The following PIK3CG variants were observed in gnomAD, a reference collection of about 807,000 sequenced individuals.
PIK3CG encodes phosphatidylinositol 4,5-bisphosphate 3-kinase catalytic subunit gamma isoform.
A neutral mutation model predicts 102.3 loss-of-function variants in PIK3CG; 55 were observed. The ratio of observed to expected loss-of-function variants is 0.54; its 90% confidence interval spans 0.43 to 0.67. PIK3CG has a LOEUF of 0.67. PIK3CG is among the 30% of genes least tolerant of loss of function. The pLI, the probability that PIK3CG is intolerant of heterozygous loss-of-function variation, is 0.00. For synonymous variants in PIK3CG, 552 were observed against 540.0 expected (o/e 1.02, Z -0.31); for missense variants, 1,258 against 1,391.8 (o/e 0.90, Z 1.53).
At chr7:106,904,398 T>G (rs1463570212) in intron 10 of PIK3CG, among the ~76,000 whole-genome samples, 1 of 152,214 alleles carries the variant, frequency 6.6e-6, no homozygotes, top group East Asian at 1.9e-4. Context: ...GTTGTAAAAT[T>G]GAGACTCTTG....
chr7:106,902,488 A>T lies in PIK3CG; in HGVS notation c.3031-2621A>T, dbSNP rs1791585086. On this transcript the variant is annotated intron_variant, in intron 10 of 10. Coordinates refer to ENST00000496166, the MANE Select transcript of PIK3CG (RefSeq NM_001282426.2). The surrounding 1 kb of genome is among the most constrained non-coding windows in gnomAD (Gnocchi z 4.3). ...ATTACCTGCTGGTAACATTATATGT[A>T]TTCCTATCTACCATCAGCTTATAAA... Among the ~76,000 whole-genome samples the T allele has an allele frequency of 6.6e-6, 1 of 152,022 alleles. No individual in the cohort carries two copies. Among genetic ancestry groups the T allele is most frequent in the East Asian group, 1.9e-4 (1 of 5,184 alleles).
Position 106,907,452 on chromosome 7 carries a change from A to C in PIK3CG, c.*2065A>C, listed in dbSNP as rs1440789886. Among the ~76,000 whole-genome samples, 7 of 152,286 alleles carry C rather than the reference A, an allele frequency of 4.6e-5. No individual in the cohort carries two copies. In the East Asian group the frequency reaches 1.4e-3, roughly 29 times the overall value. ...TATTCCTATCTATAAATGGAGGATA[A>C]ACATTTTGTGGCACTTCTGGACCAA... On this transcript the variant is annotated 3_prime_UTR_variant, in exon 11 of 11. Transcript: ENST00000496166.
rs2116457668 is a variant in PIK3CG, at chr7:106,869,094, G to A, written c.1533G>A (p.Glu511=). Residue 511 remains glutamate, a synonymous_variant, in exon 2 of 11, where the codon GAG becomes GAA. Coordinates refer to ENST00000496166, the MANE Select transcript of PIK3CG (RefSeq NM_001282426.2). This position sits in a 1 kb window ranked among gnomAD's most constrained non-coding sequence, Gnocchi z 5.3. ...KLTSATNPDK[E]NSMSISILLD... ...CGTCTGCAACTAACCCAGACAAGGA[G>A]AACTCAATGTCCATCTCCATTCTTC... The A allele has an allele frequency of 6.2e-7, 1 of 1,614,210 alleles. No homozygotes were observed. Among genetic ancestry groups the A allele is most frequent in the Admixed American group, 1.7e-5 (1 of 60,024 alleles).
rs1278356652 is a variant in PIK3CG, at chr7:106,883,940, C to G, written c.2761-215C>G. Among the ~76,000 whole-genome samples, 1 of 152,128 alleles carries G rather than the reference C, an allele frequency of 6.6e-6. No individual in the cohort carries two copies. Among genetic ancestry groups the G allele is most frequent in the Non-Finnish European group, 1.5e-5 (1 of 68,006 alleles). ...GTTGCCCTTTGACTCTTGTTTCTTC[C>G]TCATGCCATTGTGATTCACTGAATC... On this transcript the variant is annotated intron_variant, in intron 8 of 10. Transcript: ENST00000496166. This position sits in a 1 kb window ranked among gnomAD's most constrained non-coding sequence, Gnocchi z 5.8.
chr7:106,900,443 A>G (rs760052815), intron 10 of PIK3CG, among the ~76,000 whole-genome samples: 1 of 152,118 alleles, frequency 6.6e-6, no homozygotes, highest in African/African-American at 2.4e-5. Flanking sequence ...TTTTGAGCCT[A>G]TGAGTGTCAT....
At chr7:106,865,929 T>G (rs1790264959) in intron 1 of PIK3CG, among the ~76,000 whole-genome samples, 1 of 152,244 alleles carries the variant, frequency 6.6e-6, no homozygotes, top group African/African-American at 2.4e-5. Context: ...ACAGTTCTCT[T>G]CTTTGTTAGT....
rs1015482325 is a variant in PIK3CG, at chr7:106,897,142, A to C, written c.3031-7967A>C. On this transcript the variant is annotated intron_variant, in intron 10 of 10. Transcript: ENST00000496166. This position sits in a 1 kb window ranked among gnomAD's most constrained non-coding sequence, Gnocchi z 4.6. Reference sequence around the variant, plus strand: ...TAGTAGTTCCAGGACATGCAATTTTAAGTACTTTTTGTGAATCTTTTTTTA... The same window carrying C: ...TAGTAGTTCCAGGACATGCAATTTTCAGTACTTTTTGTGAATCTTTTTTTA... Among the ~76,000 whole-genome samples, 5 of 152,204 alleles carry C rather than the reference A, an allele frequency of 3.3e-5. No individual in the cohort carries two copies. The highest frequency in any genetic ancestry group is 7.4e-5 in the Non-Finnish European group (5 of 68,026).
rs2116618123 is a variant in PIK3CG at position 106,905,210 on chromosome 7, C to G, written c.3132C>G (p.Ser1044Arg). 6.2e-7 allele frequency: 1 copy of G among 1,614,060 alleles called. No homozygotes were observed. The highest frequency in any genetic ancestry group is 8.5e-7 in the Non-Finnish European group (1 of 1,179,978). ...MLMTGMPQLTSKEDIEYIRDA... is the reference protein window; with the variant it reads ...MLMTGMPQLTRKEDIEYIRDA... ...TGACAGGAATGCCCCAGTTAACAAG[C>G]AAAGAAGACATTGAATATATCCGGG... The change falls in exon 11 of 11, where the codon AGC becomes AGG. Residue 1044 changes from serine to arginine, a missense_variant. Physicochemically the swap from Ser to Arg is moderately radical, Grantham distance 110. Around this residue, in one of 2 missense-constraint regions of PIK3CG, gnomAD observed 426 missense variants for 604.2 expected, o/e 0.71. Transcript: ENST00000496166. This position sits in a 1 kb window ranked among gnomAD's most constrained non-coding sequence, Gnocchi z 5.6.
Position 106,883,508 on chromosome 7 carries a change from C to G in PIK3CG, c.2760+345C>G, listed in dbSNP as rs1422269500. Among the ~76,000 whole-genome samples the G allele has an allele frequency of 1.3e-5, 2 of 152,188 alleles. No homozygotes were observed. Among genetic ancestry groups the G allele is most frequent in the Non-Finnish European group, 2.9e-5 (2 of 68,028 alleles). On this transcript the variant is annotated intron_variant, in intron 8 of 10. Coordinates refer to ENST00000496166, the MANE Select transcript of PIK3CG (RefSeq NM_001282426.2). This position sits in a 1 kb window ranked among gnomAD's most constrained non-coding sequence, Gnocchi z 5.8. ...GATATTTAGTTACCATGTATAAACT[C>G]TTACGTACCTGGGAAATACAACATA...
chr7:106,874,902 G>C lies in PIK3CG; in HGVS notation c.2391+99G>C, dbSNP rs1484576431. Reference sequence around the variant, plus strand: ...ACTTAAAAGCTAATGTTTATGCAGAGACAGGGAAGCTGGAGAGTCTCTGGA... The same window carrying C: ...ACTTAAAAGCTAATGTTTATGCAGACACAGGGAAGCTGGAGAGTCTCTGGA... On this transcript the variant is annotated intron_variant, in intron 5 of 10. Transcript: ENST00000496166. The surrounding 1 kb of genome is among the most constrained non-coding windows in gnomAD (Gnocchi z 4.3). 2 of 724,322 alleles carry C rather than the reference G, an allele frequency of 2.8e-6. No individual in the cohort carries two copies. Among genetic ancestry groups the C allele is most frequent in the Admixed American group, 5.2e-5 (2 of 38,186 alleles). 44.9% of individuals were successfully genotyped at this position (724,322 alleles called of 1,614,324 possible).
Position 106,905,324 on chromosome 7 carries a change from G to A in PIK3CG, c.3246G>A (p.Val1082=), listed in dbSNP as rs2116619458. 5.0e-6 allele frequency: 8 copies of A among 1,614,074 alleles called. No homozygotes were observed. The highest frequency in any genetic ancestry group is 6.8e-6 in the Non-Finnish European group (8 of 1,179,944). The change falls in exon 11 of 11, where the codon GTG becomes GTA. Residue 1082 remains valine (V), a synonymous_variant. Coordinates refer to ENST00000496166, the MANE Select transcript of PIK3CG (RefSeq NM_001282426.2). This position sits in a 1 kb window ranked among gnomAD's most constrained non-coding sequence, Gnocchi z 5.6. ...TTTGCAGAGACAAAGGATGGACTGT[G>A]CAGTTTAATTGGTTTCTACATCTTG... The part of the protein sequence containing the change: ...IEVCRDKGWT[V]QFNWFLHLVL...
At position 106,879,877 on chromosome 7, in the gene PIK3CG, G is replaced by A. The variant is rs1790881200; in HGVS notation, c.2538+212G>A. ...TGAGCATTATGGTTCTGTCCAAGTT[G>A]CATATCTAACACTCCCAAGTAGCCA... On this transcript the variant is annotated intron_variant, in intron 6 of 10. Transcript: ENST00000496166. The surrounding 1 kb of genome is among the most constrained non-coding windows in gnomAD (Gnocchi z 4.9). 6.6e-6 allele frequency among the ~76,000 whole-genome samples: 1 copy of A among 152,058 alleles called. No homozygotes were observed. Among genetic ancestry groups the A allele is most frequent in the Admixed American group, 6.6e-5 (1 of 15,260 alleles).
chr7:106,876,396 C>CT (rs201148654), intron 5 of PIK3CG, among the ~76,000 whole-genome samples: 62,683 of 142,736 alleles, frequency 0.44, 13,653 homozygotes, highest in African/African-American at 0.46. Context: ...GGGTTGCCTT[C>CT]TTTTTTTTTT....
chr7:106,868,474 G>A lies in PIK3CG; in HGVS notation c.913G>A (p.Val305Met), dbSNP rs748229046. ...HCLKNGEEIH[V>M]VLDTPPDPAL... ...CCTCAAGAACGGAGAAGAGATTCAC[G>A]TGGTACTGGACACGCCTCCAGACCC... is the stretch of plus-strand genomic sequence containing the variant. Residue 305 changes from valine (V) to methionine (M), a missense_variant, in exon 2 of 11, where the codon GTG (valine) becomes ATG (methionine). Physicochemically the swap from Val to Met is conservative, Grantham distance 21. Transcript: ENST00000496166. This position sits in a 1 kb window ranked among gnomAD's most constrained non-coding sequence, Gnocchi z 6.2. 2.4e-5 allele frequency: 39 copies of A among 1,614,082 alleles called. No individual in the cohort carries two copies. In the Middle Eastern group the frequency reaches 2.5e-3, roughly 102 times the overall value.
chr7:106,868,493 CA>C lies in PIK3CG; in HGVS notation c.933del (p.Asp312ThrfsTer4). On this transcript the variant is annotated frameshift_variant, in exon 2 of 11. Transcript: ENST00000496166. LOFTEE classifies it high-confidence loss of function. This position sits in a 1 kb window ranked among gnomAD's most constrained non-coding sequence, Gnocchi z 6.2. ...EEIHVVLDTP[P>X]DPALDEVRKE... Reference sequence around the variant, plus strand: ...ATTCACGTGGTACTGGACACGCCTCCAGACCCGGCCCTAGACGAGGTGAGGA... The same window carrying C: ...ATTCACGTGGTACTGGACACGCCTCCGACCCGGCCCTAGACGAGGTGAGGA... 1 of 1,614,196 alleles carries C rather than the reference CA, an allele frequency of 6.2e-7. No homozygotes were observed. The highest frequency in any genetic ancestry group is 8.5e-7 in the Non-Finnish European group (1 of 1,180,044).
rs181331768 is a variant in PIK3CG at position 106,888,054 on chromosome 7, C to T, written c.3030+1762C>T. ...CTCCCAGGTTCAAGCAATTCTCCTG[C>T]CTCAGCCTCCAGAGTAGCTGGGACT... On this transcript the variant is annotated intron_variant, in intron 10 of 10. Transcript: ENST00000496166. Among the ~76,000 whole-genome samples the T allele has an allele frequency of 2.5e-3, 369 of 148,628 alleles. 4 individuals carry two copies. The highest frequency in any genetic ancestry group is 8.4e-3 in the African/African-American group (341 of 40,442).
At chr7:106,896,173 C>T (rs888202201) in intron 10 of PIK3CG, among the ~76,000 whole-genome samples, 14 of 152,182 alleles carry the variant, frequency 9.2e-5, no homozygotes, top group Non-Finnish European at 1.2e-4. Flanking sequence ...TTTCCTTTAA[C>T]GCCTCTCCTT....
Position 106,868,701 on chromosome 7 carries a change from A to C in PIK3CG, c.1140A>C (p.Thr380=), listed in dbSNP as rs531898922. The C allele has an allele frequency of 1.5e-4, 238 of 1,614,138 alleles. No individual in the cohort carries two copies. Among genetic ancestry groups the C allele is most frequent in the Non-Finnish European group, 2.0e-4 (232 of 1,180,056 alleles). Residue 380 remains threonine, a synonymous_variant, in exon 2 of 11, where the codon ACA becomes ACC. Transcript: ENST00000496166. This position sits in a 1 kb window ranked among gnomAD's most constrained non-coding sequence, Gnocchi z 6.2. ...IPVLPRNTDL[T]VFVEANIQHG... ...TCCTGCCTCGGAACACCGACCTCAC[A>C]GTTTTTGTAGAGGCAAACATCCAGC...
At chr7:106,882,075 A>ATATATTTTT in intron 6 of PIK3CG, 42 bp from the exon 7 acceptor site, 1 of 825,470 alleles carries the variant, frequency 1.2e-6, no homozygotes, top group Non-Finnish European at 1.7e-6. Flanking sequence ...ATATTAAGTT[A>ATATATTTTT]ATATATATAT....
Sources: gnomAD v4.1 joint callset for allele counts (sites outside exome capture counted in the v4.1 genomes callset) on GRCh38, gnomAD v4.1.1 for gene constraint, gnomAD v4.1.1 regional missense constraint, Gnocchi (gnomAD v3.1) non-coding constraint, MANE v1.5 for transcripts, NCBI Gene and HGNC (gene_info 2026-07-23, HGNC 2026-07-21) for gene names.